Variants in SOCS5 observed in about 807,000 individuals in gnomAD.
The protein encoded by SOCS5 is CIS-6.
In SOCS5, 32 loss-of-function variants were observed where a neutral mutation model predicts 42.8. The observed-to-expected ratio is 0.75, with a 90% CI of 0.56 to 1.01. SOCS5 has a LOEUF of 1.01. SOCS5 is among the 50% of genes least tolerant of loss of function. The probability of loss-of-function intolerance (pLI) is 0.00; values close to 1 mark genes in which losing one functional copy is unlikely to be tolerated. For missense variants in SOCS5, 627 were observed against 653.0 expected (o/e 0.96, Z 0.43); for synonymous variants, 283 against 229.6 (o/e 1.23, Z -2.10).
chr2:46,722,272 C>T (rs1672901038), intron 1 of SOCS5, among the ~76,000 whole-genome samples: 1 of 152,002 alleles, frequency 6.6e-6, no homozygotes. Flanking sequence ...TCTCCTGTTT[C>T]ACTGATGCAC....
chr2:46,723,355 G>C (rs1672922683), intron 1 of SOCS5, among the ~76,000 whole-genome samples: 1 of 149,142 alleles, frequency 6.7e-6, no homozygotes, highest in African/African-American at 2.5e-5. Context: ...TTAGGTTAAG[G>C]TTCATGTATT....
intron 1 of SOCS5, among the ~76,000 whole-genome samples, chr2:46,716,898 C>A (rs1289173836): frequency 1.3e-5 from 2 of 152,190 alleles, no homozygotes; most frequent in African/African-American, 4.8e-5. Flanking sequence ...GGGCCCACCA[C>A]TGAGGTGTGC....
intron 1 of SOCS5, among the ~76,000 whole-genome samples, chr2:46,752,672 A>G (rs1572847355): frequency 6.6e-6 from 1 of 152,192 alleles, no homozygotes; most frequent in East Asian, 1.9e-4. Flanking sequence ...TTTCTGCTAT[A>G]TAGTGCTCCA....
At chr2:46,756,087 A>G (rs997203368) in intron 1 of SOCS5, among the ~76,000 whole-genome samples, 4 of 152,194 alleles carry the variant, frequency 2.6e-5, no homozygotes, top group African/African-American at 9.6e-5. Context: ...GGCAAGTACA[A>G]ATGTTTTCTG....
chr2:46,712,978 G>A (rs1267668557), intron 1 of SOCS5, among the ~76,000 whole-genome samples: 2 of 152,112 alleles, frequency 1.3e-5, no homozygotes, highest in Non-Finnish European at 2.9e-5. Context: ...TTCGTTAAAT[G>A]TTTGATGGAA....
intron 1 of SOCS5, among the ~76,000 whole-genome samples, chr2:46,757,735 T>G (rs1673762346): frequency 6.6e-6 from 1 of 152,084 alleles, no homozygotes; most frequent in Non-Finnish European, 1.5e-5. Flanking sequence ...GGCGTGGTGG[T>G]ACACGCCTGT....
intron 1 of SOCS5, among the ~76,000 whole-genome samples, chr2:46,726,095 T>G (rs546302830): frequency 6.6e-6 from 1 of 152,214 alleles, no homozygotes; most frequent in South Asian, 2.1e-4. Context: ...TATTTAAAAA[T>G]TTATTTATTT....
chr2:46,744,436 T>G (rs190179538), intron 1 of SOCS5, among the ~76,000 whole-genome samples: 87 of 151,900 alleles, frequency 5.7e-4, no homozygotes, highest in Non-Finnish European at 8.8e-4. Context: ...ATATATATCT[T>G]TGTGGTGAAG....
At chr2:46,747,597 T>C (rs955625416) in intron 1 of SOCS5, among the ~76,000 whole-genome samples, 30 of 152,334 alleles carry the variant, frequency 2.0e-4, no homozygotes, top group African/African-American at 7.2e-4. Flanking sequence ...TCTGTGGCCC[T>C]GGGCTGTTAC....
intron 1 of SOCS5, among the ~76,000 whole-genome samples, chr2:46,732,721 A>G (rs1334131566): frequency 6.6e-6 from 1 of 152,214 alleles, no homozygotes; most frequent in African/African-American, 2.4e-5. Context: ...ATCTGGAGGT[A>G]AGGAAGAACC....
At chr2:46,756,872 G>A (rs1673742759) in intron 1 of SOCS5, among the ~76,000 whole-genome samples, 1 of 152,122 alleles carries the variant, frequency 6.6e-6, no homozygotes, top group South Asian at 2.1e-4. Flanking sequence ...AGTTCAAATG[G>A]CGTAAACCTC....
intron 1 of SOCS5, among the ~76,000 whole-genome samples, chr2:46,746,591 C>T (rs949334923): frequency 6.6e-6 from 1 of 150,984 alleles, no homozygotes; most frequent in African/African-American, 2.4e-5. Flanking sequence ...GTAGAGGTTG[C>T]AGTGAGCCGA....
At chr2:46,736,612 A>G (rs1480384602) in intron 1 of SOCS5, among the ~76,000 whole-genome samples, 3 of 152,166 alleles carry the variant, frequency 2.0e-5, no homozygotes, top group South Asian at 4.1e-4. Context: ...ACTTAGCACA[A>G]TGTCTTCAAG....
chr2:46,700,317 A>G (rs1672312145), intron 1 of SOCS5, among the ~76,000 whole-genome samples: 1 of 152,190 alleles, frequency 6.6e-6, no homozygotes, highest in Non-Finnish European at 1.5e-5. Flanking sequence ...TGAAAAATAT[A>G]TGTGTATGTT....
chr2:46,743,303 G>C (rs1227369074), intron 1 of SOCS5, among the ~76,000 whole-genome samples: 1 of 152,128 alleles, frequency 6.6e-6, no homozygotes, highest in African/African-American at 2.4e-5. Flanking sequence ...TAAAAGAATG[G>C]CTCTTCCATA....
intron 1 of SOCS5, among the ~76,000 whole-genome samples, chr2:46,720,432 T>C (rs1158879484): frequency 6.6e-6 from 1 of 152,240 alleles, no homozygotes; most frequent in Non-Finnish European, 1.5e-5. Context: ...GATTATGTCT[T>C]ACTGTGAGAT....
chr2:46,714,577 T>A (rs1171732968), intron 1 of SOCS5, among the ~76,000 whole-genome samples: 2 of 152,230 alleles, frequency 1.3e-5, no homozygotes, highest in Non-Finnish European at 2.9e-5. Flanking sequence ...TTTTATCTAG[T>A]CTGATAATCT....
intron 1 of SOCS5, among the ~76,000 whole-genome samples, chr2:46,715,030 G>A (rs1175123429): frequency 6.6e-6 from 1 of 151,836 alleles, no homozygotes; most frequent in East Asian, 1.9e-4. Flanking sequence ...TGCTTTTGTT[G>A]TCATGCATTT....
At chr2:46,713,759 C>T (rs540782568) in intron 1 of SOCS5, among the ~76,000 whole-genome samples, 1 of 152,118 alleles carries the variant, frequency 6.6e-6, no homozygotes, top group African/African-American at 2.4e-5. Flanking sequence ...ATTTTCGAAA[C>T]TCCTTTTAAA....
Sources: allele counts gnomAD v4.1 joint callset (sites outside exome capture counted in the v4.1 genomes callset), GRCh38; gene constraint gnomAD v4.1.1; transcripts MANE v1.5; gene names NCBI Gene and HGNC (gene_info 2026-07-23, HGNC 2026-07-21).